Variants in CACNA2D3 observed in about 807,000 individuals in gnomAD.
CACNA2D3 encodes calcium voltage-gated channel auxiliary subunit alpha2delta 3, also known as voltage-dependent calcium channel subunit alpha-2/delta-3.
CACNA2D3 carries 60 observed loss-of-function variants against 160.6 expected under a neutral mutation model. The observed-to-expected ratio is 0.37, with a 90% CI of 0.30 to 0.46. CACNA2D3 has a LOEUF of 0.46. Among genes scored for constraint, CACNA2D3 ranks in the 20% least tolerant of loss-of-function variants. The pLI, the probability that CACNA2D3 is intolerant of heterozygous loss-of-function variation, is 1.00. For synonymous variants in CACNA2D3, 558 were observed against 492.9 expected, an observed-to-expected ratio of 1.13 and a Z score of -1.75; for missense variants, 1,205 against 1,365.0, an observed-to-expected ratio of 0.88 and a Z score of 1.85.
intron 4 of CACNA2D3, among the ~76,000 whole-genome samples, chr3:54,416,108 G>C (rs1699750033): frequency 6.6e-6 from 1 of 152,196 alleles, no homozygotes; most frequent in South Asian, 2.1e-4. Flanking sequence ...CGAACAGTTT[G>C]TCATTTGGCA....
intron 3 of CACNA2D3, among the ~76,000 whole-genome samples, chr3:54,385,677 G>A (rs9835975): frequency 0.89 from 134,979 of 152,202 alleles, 60,063 homozygotes; most frequent in African/African-American, 0.97. Flanking sequence ...TCCATATCCA[G>A]TTTAATAATT....
At chr3:54,577,552 A>G (rs1358473910) in intron 8 of CACNA2D3, among the ~76,000 whole-genome samples, 2 of 152,214 alleles carry the variant, frequency 1.3e-5, no homozygotes, top group African/African-American at 4.8e-5. Flanking sequence ...CTCTTCCTTC[A>G]TAGCAAGTTC....
At chr3:55,037,487 C>G (rs1703848008) in intron 35 of CACNA2D3, among the ~76,000 whole-genome samples, 1 of 152,154 alleles carries the variant, frequency 6.6e-6, no homozygotes, top group Non-Finnish European at 1.5e-5. Flanking sequence ...AACTTGTGTC[C>G]TAGGGTCTTG....
At chr3:54,694,870 A>G (rs1700635412) in intron 11 of CACNA2D3, among the ~76,000 whole-genome samples, 1 of 152,246 alleles carries the variant, frequency 6.6e-6, no homozygotes, top group African/African-American at 2.4e-5. Flanking sequence ...CAGTGAATGC[A>G]TCTCATAGGG....
intron 27 of CACNA2D3, chr3:54,928,223 C>T (rs1256927279): frequency 7.3e-6 from 3 of 413,298 alleles, no homozygotes; most frequent in African/African-American, 4.0e-5. Context: ...GACGATGAGC[C>T]GCGTAAAGAA....
intron 11 of CACNA2D3, among the ~76,000 whole-genome samples, chr3:54,738,867 T>G (rs1559564686): frequency 6.6e-6 from 1 of 152,164 alleles, no homozygotes; most frequent in Non-Finnish European, 1.5e-5. Flanking sequence ...GTGTAAGACT[T>G]GGGGCTGGGC....
At chr3:54,888,150 G>A in intron 24 of CACNA2D3, 98 bp downstream of exon 24, 1 of 958,974 alleles carries the variant, frequency 1.0e-6, no homozygotes, top group Non-Finnish European at 1.6e-6. Flanking sequence ...TAGGAACCTG[G>A]TGTTAAAGTT....
At chr3:54,817,642 A>AC (rs1288487591) in intron 14 of CACNA2D3, among the ~76,000 whole-genome samples, 2 of 151,734 alleles carry the variant, frequency 1.3e-5, no homozygotes, top group Non-Finnish European at 2.9e-5. Flanking sequence ...AAGGTAGGGC[A>AC]CCCCCCTGAA....
intron 35 of CACNA2D3, among the ~76,000 whole-genome samples, chr3:55,043,538 AT>A (rs907258186): frequency 9.9e-5 from 15 of 151,894 alleles, no homozygotes; most frequent in Non-Finnish European, 2.1e-4. Context: ...ACTGTTGCAA[AT>A]TTTTTGTATA....
At chr3:54,624,813 C>T (rs148685485) in intron 9 of CACNA2D3, among the ~76,000 whole-genome samples, 32 of 152,268 alleles carry the variant, frequency 2.1e-4, no homozygotes, top group African/African-American at 6.5e-4. Flanking sequence ...CATCATGCTC[C>T]GTGTCCCTAG....
At chr3:54,894,629 C>T in intron 25 of CACNA2D3, 1 of 515,530 alleles carries the variant, frequency 1.9e-6, no homozygotes, top group Non-Finnish European at 3.9e-6. Flanking sequence ...GGAGTGCGAA[C>T]ACCTTCTGCT....
intron 5 of CACNA2D3, among the ~76,000 whole-genome samples, chr3:54,511,797 T>C (rs986792914): frequency 6.6e-6 from 1 of 152,168 alleles, no homozygotes; most frequent in African/African-American, 2.4e-5. Context: ...AGTAGGGAGC[T>C]GGAGTTTGTA....
rs538962574 is a variant in CACNA2D3 at position 54,698,594 on chromosome 3, C to T, written c.1168-54005C>T. Among the ~76,000 whole-genome samples, 14 of 151,990 alleles carry T rather than the reference C, an allele frequency of 9.2e-5. No individual in the cohort carries two copies. The South Asian group carries it at 1.2e-3, about 14-fold the overall frequency. Reference sequence around the variant, plus strand: ...AATACTTGACATTCGGAAGGGCAAGCGAGGGATTAAAACTCAATCTCTGCC... The same window carrying T: ...AATACTTGACATTCGGAAGGGCAAGTGAGGGATTAAAACTCAATCTCTGCC... On this transcript the variant is annotated intron_variant, in intron 11 of 37. Coordinates refer to ENST00000474759, the MANE Select transcript of CACNA2D3 (RefSeq NM_018398.3).
chr3:54,210,044 C>T (rs535906583), intron 2 of CACNA2D3, among the ~76,000 whole-genome samples: 11 of 152,142 alleles, frequency 7.2e-5, no homozygotes, highest in African/African-American at 2.4e-4. Flanking sequence ...AAAGAAGATC[C>T]ATACCTTGAT....
intron 2 of CACNA2D3, among the ~76,000 whole-genome samples, chr3:54,319,201 C>CACA (rs1559448362): frequency 9.5e-5 from 14 of 146,792 alleles, no homozygotes; most frequent in African/African-American, 1.3e-4. Context: ...CACACACACA[C>CACA]CCTTCCTCGA....
chr3:54,554,578 C>T (rs1192583668), intron 5 of CACNA2D3, among the ~76,000 whole-genome samples: 1 of 152,124 alleles, frequency 6.6e-6, no homozygotes, highest in African/African-American at 2.4e-5. Context: ...AGTCCTCCCA[C>T]CACACAGCAA....
chr3:54,320,795 G>A (rs1430874744), intron 3 of CACNA2D3, among the ~76,000 whole-genome samples: 1 of 152,184 alleles, frequency 6.6e-6, no homozygotes, highest in African/African-American at 2.4e-5. Context: ...CTTCAGCAGA[G>A]CTGCCACTAA....
chr3:54,282,208 T>C (rs1337988879), intron 2 of CACNA2D3, among the ~76,000 whole-genome samples: 1 of 152,202 alleles, frequency 6.6e-6, no homozygotes, highest in African/African-American at 2.4e-5. Context: ...TAGGTGGGAA[T>C]GGAGAGTTGG....
chr3:54,393,227 G>T (rs6445652), intron 4 of CACNA2D3, among the ~76,000 whole-genome samples: 1 of 152,118 alleles, frequency 6.6e-6, no homozygotes, highest in Admixed American at 6.5e-5. Context: ...TCGACGTGGA[G>T]ACTTGTAGTG....
Sources: allele counts gnomAD v4.1 joint callset (sites outside exome capture counted in the v4.1 genomes callset), GRCh38; gene constraint gnomAD v4.1.1; transcripts MANE v1.5; gene names NCBI Gene and HGNC (gene_info 2026-07-23, HGNC 2026-07-21).